Variants in RUNX2 observed in about 807,000 individuals in gnomAD.
The protein encoded by RUNX2 is runt-related transcription factor 2.
A neutral mutation model predicts 51.7 loss-of-function variants in RUNX2; 10 were observed. The ratio of observed to expected loss-of-function variants is 0.19; its 90% CI spans 0.12 to 0.33. The LOEUF (loss-of-function observed/expected upper bound fraction) is 0.33. RUNX2 is among the 10% of genes least tolerant of loss of function. The pLI is 1.00. For synonymous variants in RUNX2, 276 were observed against 273.6 expected, an observed-to-expected ratio of 1.01 and a Z score of -0.09; for missense variants, 562 against 691.3, an observed-to-expected ratio of 0.81 and a Z score of 2.10.
At chr6:45,447,086 T>C (rs1205957542) in intron 5 of RUNX2, among the ~76,000 whole-genome samples, 3 of 152,206 alleles carry the variant, frequency 2.0e-5, no homozygotes, top group Non-Finnish European at 4.4e-5. Context: ...CTTAAATTCT[T>C]ATTAAGATAA....
At chr6:45,476,043 G>A (rs374464936) in intron 5 of RUNX2, among the ~76,000 whole-genome samples, 2 of 152,138 alleles carry the variant, frequency 1.3e-5, no homozygotes, top group African/African-American at 4.8e-5. Flanking sequence ...CCTTTTATAT[G>A]TGTTTATTAG....
At chr6:45,359,798 C>A (rs778004259) in intron 2 of RUNX2, among the ~76,000 whole-genome samples, 1 of 152,142 alleles carries the variant, frequency 6.6e-6, no homozygotes, top group Non-Finnish European at 1.5e-5. Flanking sequence ...AATCCCAACC[C>A]TTTGGGAGGC....
chr6:45,485,385 A>C (rs148465287), intron 5 of RUNX2, among the ~76,000 whole-genome samples: 47 of 151,528 alleles, frequency 3.1e-4, no homozygotes, highest in African/African-American at 1.1e-3. Flanking sequence ...TATTTTTAGT[A>C]GAAACGGGGT....
intron 6 of RUNX2, among the ~76,000 whole-genome samples, chr6:45,498,427 T>G (rs559897698): frequency 1.4e-4 from 22 of 152,300 alleles, no homozygotes; most frequent in Admixed American, 2.6e-4. Context: ...ACAATCTAAG[T>G]GACATGTGTC....
intron 2 of RUNX2, among the ~76,000 whole-genome samples, chr6:45,385,083 C>T (rs1379366991): frequency 1.3e-5 from 2 of 152,146 alleles, no homozygotes; most frequent in Non-Finnish European, 2.9e-5. Context: ...GTAGTAAGTA[C>T]ACTATTTGTC....
At chr6:45,340,871 C>T (rs572725582) in intron 2 of RUNX2, among the ~76,000 whole-genome samples, 108 of 152,028 alleles carry the variant, frequency 7.1e-4, no homozygotes, top group African/African-American at 2.4e-3. Context: ...GGAATCAAAT[C>T]CTACTTCCTA....
intron 2 of RUNX2, among the ~76,000 whole-genome samples, chr6:45,343,926 A>G (rs950861108): frequency 1.3e-5 from 2 of 152,194 alleles, no homozygotes; most frequent in African/African-American, 4.8e-5. Flanking sequence ...ACAGGCTTTC[A>G]TTTTATAACC....
intron 1 of RUNX2, 38 bp downstream of exon 1, chr6:45,328,498 A>T (rs1786795375): frequency 2.0e-6 from 3 of 1,525,422 alleles, no homozygotes; most frequent in Non-Finnish European, 2.7e-6. Context: ...CAGTAATAGT[A>T]GGTCCTTCAA....
intron 2 of RUNX2, among the ~76,000 whole-genome samples, chr6:45,351,762 T>C (rs1366776529): frequency 6.6e-6 from 1 of 152,108 alleles, no homozygotes; most frequent in Non-Finnish European, 1.5e-5. Context: ...ACATCTCAAA[T>C]TTCAATAGCC....
chr6:45,433,570 A>G (rs937328931), intron 4 of RUNX2, among the ~76,000 whole-genome samples: 1 of 152,064 alleles, frequency 6.6e-6, no homozygotes, highest in Non-Finnish European at 1.5e-5. Flanking sequence ...ACAGATTCAA[A>G]CTAGTGTTTT....
rs140609532 is a variant in RUNX2, at chr6:45,373,460, TTAGCAG to T, written c.58+44680_58+44685del. Among the ~76,000 whole-genome samples the T allele has an allele frequency of 7.4e-3, 1,131 of 152,286 alleles. 17 individuals carry two copies. The highest frequency in any genetic ancestry group is 0.026 in the African/African-American group (1,073 of 41,550). ...TGCCCAAGAAAATGTTGGTTCTCCC[TTAGCAG>T]TAGTATGGGGTTGTTTTCCGTAGAA... On this transcript the variant is annotated intron_variant, in intron 2 of 8. Coordinates refer to ENST00000647337, the MANE Select transcript of RUNX2 (RefSeq NM_001024630.4).
intron 5 of RUNX2, among the ~76,000 whole-genome samples, chr6:45,464,172 G>A (rs957818651): frequency 2.7e-5 from 4 of 150,660 alleles, no homozygotes; most frequent in South Asian, 4.2e-4. Flanking sequence ...CAGCCTGGGC[G>A]ACAGAGCGAG....
At chr6:45,338,869 C>T (rs1449740624) in intron 2 of RUNX2, among the ~76,000 whole-genome samples, 1 of 152,010 alleles carries the variant, frequency 6.6e-6, no homozygotes, top group Non-Finnish European at 1.5e-5. Flanking sequence ...CTCAAAGAGA[C>T]AGCCTCCTTA....
chr6:45,484,179 G>A (rs563596732), intron 5 of RUNX2, among the ~76,000 whole-genome samples: 2 of 152,304 alleles, frequency 1.3e-5, no homozygotes, highest in South Asian at 4.2e-4. Context: ...ATTAGCCACA[G>A]GCCAGAGGTT....
chr6:45,522,709 C>G (rs922814002), intron 7 of RUNX2, among the ~76,000 whole-genome samples: 4 of 152,190 alleles, frequency 2.6e-5, no homozygotes, highest in Non-Finnish European at 5.9e-5. Flanking sequence ...CTTCTAATCC[C>G]TTTCTATCTC....
chr6:45,365,927 ATG>A (rs1409191605), intron 2 of RUNX2, among the ~76,000 whole-genome samples: 1 of 152,120 alleles, frequency 6.6e-6, no homozygotes, highest in Non-Finnish European at 1.5e-5. Flanking sequence ...TCAATTTTAA[ATG>A]TGACATTTTT....
chr6:45,352,372 G>C (rs1325561020), intron 2 of RUNX2, among the ~76,000 whole-genome samples: 1 of 152,020 alleles, frequency 6.6e-6, no homozygotes, highest in Non-Finnish European at 1.5e-5. Context: ...AGTTTTCCTA[G>C]TTTATGAACT....
intron 2 of RUNX2, among the ~76,000 whole-genome samples, chr6:45,408,524 A>G (rs1216068255): frequency 6.6e-6 from 1 of 152,098 alleles, no homozygotes; most frequent in African/African-American, 2.4e-5. Context: ...GCTATCCTAA[A>G]AGTCACTGAA....
chr6:45,518,753 G>A (rs1289944302), intron 7 of RUNX2, among the ~76,000 whole-genome samples: 2 of 152,130 alleles, frequency 1.3e-5, no homozygotes, highest in Non-Finnish European at 2.9e-5. Flanking sequence ...TGCTTTTGCA[G>A]GGATGGCAAA....
Sources: allele counts gnomAD v4.1 joint callset (sites outside exome capture counted in the v4.1 genomes callset), GRCh38; gene constraint gnomAD v4.1.1; transcripts MANE v1.5; gene names NCBI Gene and HGNC (gene_info 2026-07-23, HGNC 2026-07-21).